Variants in NCAPH observed in about 807,000 individuals in gnomAD.
The protein encoded by NCAPH is non-SMC condensin I complex subunit H, also known as condensin complex subunit 2.
Under a neutral mutation model 85.5 loss-of-function variants are expected in NCAPH, and 38 were observed. That is an observed-to-expected ratio of 0.44 (90% CI 0.34 to 0.58). The LOEUF (loss-of-function observed/expected upper bound fraction) is 0.58. Among genes scored for constraint, NCAPH ranks in the 20% least tolerant of loss-of-function variants. The probability of loss-of-function intolerance (pLI) is 0.01; values close to 1 mark genes in which losing one functional copy is unlikely to be tolerated. For missense variants in NCAPH, 789 were observed against 916.6 expected, an observed-to-expected ratio of 0.86 and a Z score of 1.80; for synonymous variants, 301 against 335.1, an observed-to-expected ratio of 0.90 and a Z score of 1.11.
Position 96,368,990 on chromosome 2 carries a change from G to A in NCAPH, c.2017G>A (p.Gly673Arg), listed in dbSNP as rs199969149. Residue 673 changes from glycine (G) to arginine (R), a missense_variant, in exon 16 of 18, where the codon GGA becomes AGA. By Grantham distance (125) the Gly-to-Arg change is moderately radical. Coordinates refer to ENST00000240423, the MANE Select transcript of NCAPH (RefSeq NM_015341.5). ...CTGTTAGGCAAACCACAGGGAAGCT[G>A]GAAAAGAAGCGGCCCTGGCAGAAGT... ...ADAEANHREA[G>R]KEAALAEVAD... The A allele has an allele frequency of 5.7e-5, 88 of 1,554,896 alleles. No individual in the cohort carries two copies. Among genetic ancestry groups the A allele is most frequent in the Non-Finnish European group, 7.4e-5 (85 of 1,148,650 alleles).
intron 5 of NCAPH, 58 bp downstream of exon 5, chr2:96,343,362 C>G: frequency 6.5e-7 from 1 of 1,534,672 alleles, no homozygotes; most frequent in Non-Finnish European, 8.8e-7. Flanking sequence ...CAGGTAGTTA[C>G]TTGAGTAATA....
At position 96,359,042 on chromosome 2, in the gene NCAPH, C is replaced by G. The variant is rs2064567194; in HGVS notation, c.1209-3C>G. The G allele has an allele frequency of 6.2e-7, 1 of 1,613,610 alleles. No individual in the cohort carries two copies. Among genetic ancestry groups the G allele is most frequent in the Admixed American group, 1.7e-5 (1 of 59,974 alleles). On this transcript the variant is annotated splice_region_variant and splice_polypyrimidine_tract_variant and intron_variant, in intron 9 of 17. Transcript: ENST00000240423. ...TGTACATGTACAAATATGTGTGTTA[C>G]AGGGAAGAAATGATTTCCCTTGGGG... is the stretch of plus-strand genomic sequence containing the variant.
chr2:96,354,422 G>A, intron 9 of NCAPH, 34 bp downstream of exon 9: 1 of 1,425,782 alleles, frequency 7.0e-7, no homozygotes, highest in Non-Finnish European at 9.3e-7. Flanking sequence ...TGTTTCTATA[G>A]GAGTTTTCCA....
intron 1 of NCAPH, among the ~76,000 whole-genome samples, chr2:96,338,472 C>T (rs2064245575): frequency 6.6e-6 from 1 of 152,164 alleles, no homozygotes; most frequent in Non-Finnish European, 1.5e-5. Context: ...AACACTTGCC[C>T]TAAAGGTGTC....
chr2:96,342,647 A>G lies in NCAPH; in HGVS notation c.364-109A>G, dbSNP rs181237194. On this transcript the variant is annotated intron_variant, in intron 3 of 17. Coordinates refer to ENST00000240423, the MANE Select transcript of NCAPH (RefSeq NM_015341.5). Reference sequence around the variant, plus strand: ...TTTTTGGGAAGAGAGATCAGTGACAATATGTGGGTATTCCTATGTAAAGAC... The same window carrying G: ...TTTTTGGGAAGAGAGATCAGTGACAGTATGTGGGTATTCCTATGTAAAGAC... The G allele has an allele frequency of 1.1e-3, 886 of 834,844 alleles. 4 individuals carry two copies. Among genetic ancestry groups the G allele is most frequent in the Non-Finnish European group, 5.1e-5 (26 of 514,392 alleles). 51.7% of individuals were successfully genotyped at this position (834,844 alleles called of 1,614,324 possible).
chr2:96,358,209 A>G (rs1244849555), intron 9 of NCAPH, among the ~76,000 whole-genome samples: 1 of 152,240 alleles, frequency 6.6e-6, no homozygotes, highest in African/African-American at 2.4e-5. Flanking sequence ...ATAAAGCTGG[A>G]TGACCTAACA....
intron 4 of NCAPH, 120 bp downstream of exon 4, chr2:96,342,968 A>C (rs889518505): frequency 5.6e-5 from 65 of 1,162,044 alleles, no homozygotes; most frequent in Non-Finnish European, 7.8e-5. Flanking sequence ...ATGTTATGTT[A>C]GTTAATTTAC....
rs772813726 is a variant in NCAPH at position 96,341,625 on chromosome 2, C to G, written c.20-17C>G. The G allele has an allele frequency of 1.8e-5, 29 of 1,604,252 alleles. No homozygotes were observed. The highest frequency in any genetic ancestry group is 2.4e-5 in the Non-Finnish European group (28 of 1,173,472). ...AATGTTCTCTTGAAGGTTTCTTGAG[C>G]AAGAATTTTGTTCCAGCACTGCCAG... On this transcript the variant is annotated splice_polypyrimidine_tract_variant and intron_variant, in intron 1 of 17. Transcript: ENST00000240423.
At chr2:96,356,307 A>G (rs1177502447) in intron 9 of NCAPH, among the ~76,000 whole-genome samples, 1 of 152,044 alleles carries the variant, frequency 6.6e-6, no homozygotes, top group African/African-American at 2.4e-5. Flanking sequence ...TCTGGAGTAG[A>G]TCTGATCTTG....
At chr2:96,370,474 T>C (rs2064758361) in intron 17 of NCAPH, among the ~76,000 whole-genome samples, 1 of 152,214 alleles carries the variant, frequency 6.6e-6, no homozygotes, top group Admixed American at 6.5e-5. Flanking sequence ...TCTGGCCTCC[T>C]AATGAAATCA....
At position 96,354,262 on chromosome 2, in the gene NCAPH, G is replaced by C. The variant is rs2064490655; in HGVS notation, c.1082G>C (p.Cys361Ser). The C allele has an allele frequency of 1.9e-6, 3 of 1,614,122 alleles. No individual in the cohort carries two copies. The highest frequency in any genetic ancestry group is 2.5e-6 in the Non-Finnish European group (3 of 1,180,014). The part of the protein sequence containing the change: ...DINAEVDESD[C>S]GDFPDGSLGD... ...AATGCTGAAGTTGACGAGAGTGACT[G>C]TGGAGACTTCCCCGATGGGTCCCTG... The change falls in exon 9 of 18, where the codon TGT (cysteine) becomes TCT (serine). Residue 361 changes from cysteine to serine, a missense_variant. Cys to Ser is a moderately radical substitution (Grantham distance 112, BLOSUM62 -1). Coordinates refer to ENST00000240423, the MANE Select transcript of NCAPH (RefSeq NM_015341.5).
At chr2:96,351,678 A>C (rs1235786581) in intron 6 of NCAPH, among the ~76,000 whole-genome samples, 153 bp from the exon 7 acceptor site, 7 of 152,180 alleles carry the variant, frequency 4.6e-5, no homozygotes, top group South Asian at 4.1e-4. Flanking sequence ...AAAAAAAAAA[A>C]AAAAAAACAA....
rs76772809 is a variant in NCAPH at position 96,345,933 on chromosome 2, A to G, written c.720+1704A>G. 6.0e-4 allele frequency among the ~76,000 whole-genome samples: 92 copies of G among 152,364 alleles called. 1 individual carries two copies. The East Asian group carries it at 0.016, about 26-fold the overall frequency. ...GGTAGTTGTTTTGAAGAGTTTTGCT[A>G]TAATTTGGAGCAGAGTACTGGGATA... On this transcript the variant is annotated intron_variant, in intron 6 of 17. Coordinates refer to ENST00000240423, the MANE Select transcript of NCAPH (RefSeq NM_015341.5).
intron 17 of NCAPH, among the ~76,000 whole-genome samples, chr2:96,372,740 TTTC>T (rs1202224786): frequency 6.6e-6 from 1 of 152,146 alleles, no homozygotes; most frequent in East Asian, 1.9e-4. Flanking sequence ...TGACTTAATT[TTTC>T]TATTTTATTA....
chr2:96,342,223 C>T (rs1012848541), intron 3 of NCAPH, 83 bp downstream of exon 3: 13 of 1,211,312 alleles, frequency 1.1e-5, no homozygotes, highest in African/African-American at 4.5e-5. Context: ...GTAGATAATG[C>T]ACAATCAATG....
chr2:96,361,818 A>ATT (rs563435301), intron 12 of NCAPH, among the ~76,000 whole-genome samples: 2 of 107,300 alleles, frequency 1.9e-5, no homozygotes, highest in Admixed American at 1.0e-4. Flanking sequence ...ATATATATAT[A>ATT]TATATATATA....
chr2:96,364,496 C>G lies in NCAPH; in HGVS notation c.1603C>G (p.Gln535Glu). The G allele has an allele frequency of 6.2e-7, 1 of 1,609,816 alleles. No homozygotes were observed. Among genetic ancestry groups the G allele is most frequent in the South Asian group, 1.1e-5 (1 of 90,830 alleles). ...TTTCCTTTAGTTACTTAAGATGGCC[C>G]AGGGCCATAGGGTAGAGACTGAGCA... Reference protein sequence around the residue: ...KPGTRLLKMAQGHRVETEHYE... With the variant: ...KPGTRLLKMAEGHRVETEHYE... The change falls in exon 13 of 18, where the codon CAG becomes GAG. Residue 535 changes from glutamine (Q) to glutamate (E), a missense_variant. Gln to Glu is a conservative substitution (Grantham distance 29, BLOSUM62 2). Coordinates refer to ENST00000240423, the MANE Select transcript of NCAPH (RefSeq NM_015341.5).
chr2:96,354,412 T>A (rs1253178048), intron 9 of NCAPH, 24 bp downstream of exon 9: 4 of 1,505,670 alleles, frequency 2.7e-6, no homozygotes, highest in Non-Finnish European at 3.6e-6. Flanking sequence ...AGTCCGAAAG[T>A]GTTTCTATAG....
intron 9 of NCAPH, among the ~76,000 whole-genome samples, chr2:96,357,382 A>G (rs2064538668): frequency 6.6e-6 from 1 of 152,170 alleles, no homozygotes; most frequent in South Asian, 2.1e-4. Flanking sequence ...TTAGTTGTTG[A>G]GTGGTGAAAT....
Sources: gnomAD v4.1 joint callset for allele counts (sites outside exome capture counted in the v4.1 genomes callset) on GRCh38, gnomAD v4.1.1 for gene constraint, MANE v1.5 for transcripts, NCBI Gene and HGNC (gene_info 2026-07-23, HGNC 2026-07-21) for gene names.